Variants in ABTB3 observed in about 807,000 individuals in gnomAD.
ABTB3 encodes the protein ankyrin repeat and BTB domain containing 3, also known as ankyrin repeat- and BTB/POZ domain-containing protein 3.
the ABTB3 span, chr12:107,319,341 C>T: frequency 6.4e-7 from 1 of 1,552,196 alleles, no homozygotes; most frequent in African/African-American, 1.4e-5. Flanking sequence ...AAGCTGTCGA[C>T]GCTGGTGAGC....
chr12:107,497,176 A>G, the ABTB3 span, among the ~76,000 whole-genome samples: 1 of 151,586 alleles, frequency 6.6e-6, no homozygotes, highest in African/African-American at 2.4e-5. Flanking sequence ...CCCCAACTTT[A>G]TCCTCAATAC....
chr12:107,486,490 C>A, the ABTB3 span: 1 of 152,148 alleles, frequency 6.6e-6, no homozygotes, highest in African/African-American at 2.4e-5. Context: ...ACCACAGACA[C>A]ACGATTCTGT....
chr12:107,520,013 T>G, the ABTB3 span, among the ~76,000 whole-genome samples: 1 of 151,804 alleles, frequency 6.6e-6, no homozygotes, highest in Non-Finnish European at 1.5e-5. Context: ...GTCAAACAGG[T>G]AACAGCCCGA....
chr12:107,514,996 GAT>G, the ABTB3 span, among the ~76,000 whole-genome samples: 1 of 152,120 alleles, frequency 6.6e-6, no homozygotes, highest in South Asian at 2.1e-4. Context: ...AAAATACTTT[GAT>G]ACACATGATC....
At chr12:107,437,165 A>G in the ABTB3 span, among the ~76,000 whole-genome samples, 1 of 152,158 alleles carries the variant, frequency 6.6e-6, no homozygotes, top group Non-Finnish European at 1.5e-5. Flanking sequence ...ATGACCACAA[A>G]CTCAGTGGCT....
chr12:107,433,246 C>T, the ABTB3 span, among the ~76,000 whole-genome samples: 5 of 136,770 alleles, frequency 3.7e-5, no homozygotes, highest in Admixed American at 8.1e-5. Flanking sequence ...GCCGAGATTG[C>T]GCCACTGCAG....
chr12:107,509,857 A>G, the ABTB3 span, among the ~76,000 whole-genome samples: 1 of 152,368 alleles, frequency 6.6e-6, no homozygotes, highest in Admixed American at 6.5e-5. Flanking sequence ...TTTAACAGTA[A>G]AAGAAAGCCT....
chr12:107,436,153 T>C, the ABTB3 span, among the ~76,000 whole-genome samples: 1 of 152,212 alleles, frequency 6.6e-6, no homozygotes, highest in Non-Finnish European at 1.5e-5. Flanking sequence ...GGAGTTTTTA[T>C]GATTCTTCCT....
the ABTB3 span, among the ~76,000 whole-genome samples, chr12:107,475,590 C>T: frequency 5.9e-5 from 9 of 152,176 alleles, no homozygotes; most frequent in Admixed American, 5.2e-4. Flanking sequence ...CACTGCAAAC[C>T]CCAGGAGCAC....
chr12:107,602,486 C>A, the ABTB3 span, among the ~76,000 whole-genome samples: 1 of 152,184 alleles, frequency 6.6e-6, no homozygotes, highest in African/African-American at 2.4e-5. Flanking sequence ...ATGCTGAGCG[C>A]AGTACTCTGC....
the ABTB3 span, among the ~76,000 whole-genome samples, chr12:107,323,508 G>T: frequency 6.6e-6 from 1 of 152,226 alleles, no homozygotes; most frequent in Non-Finnish European, 1.5e-5. Context: ...TTTCAGAACT[G>T]GAGTTTTGTG....
chr12:107,627,646 G>T, the ABTB3 span, among the ~76,000 whole-genome samples: 2 of 152,282 alleles, frequency 1.3e-5, no homozygotes, highest in East Asian at 1.9e-4. Flanking sequence ...CTGCAGCCAT[G>T]GTGACTTCTT....
the ABTB3 span, chr12:107,642,274 G>T: frequency 7.7e-6 from 8 of 1,037,692 alleles, no homozygotes; most frequent in Non-Finnish European, 1.2e-5. Context: ...GAAGTCCTTG[G>T]AATGAGCTGT....
the ABTB3 span, among the ~76,000 whole-genome samples, chr12:107,406,346 C>G: frequency 6.6e-3 from 1,005 of 152,308 alleles, 17 homozygotes; most frequent in African/African-American, 0.023. Context: ...GGGAGGATCG[C>G]TTGAGCCTAG....
At chr12:107,490,071 G>A in the ABTB3 span, among the ~76,000 whole-genome samples, 25 of 152,184 alleles carry the variant, frequency 1.6e-4, no homozygotes, top group African/African-American at 5.8e-4. Flanking sequence ...ACAAAAGTGA[G>A]CTCCACTCAT....
chr12:107,480,500 A>G, the ABTB3 span, among the ~76,000 whole-genome samples: 2 of 152,214 alleles, frequency 1.3e-5, no homozygotes, highest in Non-Finnish European at 2.9e-5. Context: ...TGATGTGTCC[A>G]AAGTCACACA....
the ABTB3 span, among the ~76,000 whole-genome samples, chr12:107,370,324 A>T: frequency 6.6e-6 from 1 of 152,328 alleles, no homozygotes; most frequent in Non-Finnish European, 1.5e-5. Flanking sequence ...CCTTCCCACC[A>T]ATGAGCACAC....
At chr12:107,580,866 A>G in the ABTB3 span, 1 of 1,548,306 alleles carries the variant, frequency 6.5e-7, no homozygotes, top group Middle Eastern at 1.9e-4. Flanking sequence ...CAGATCAGTT[A>G]CCTCCTAGCC....
the ABTB3 span, among the ~76,000 whole-genome samples, chr12:107,548,757 G>A: frequency 6.6e-6 from 1 of 152,204 alleles, no homozygotes; most frequent in Admixed American, 6.5e-5. Flanking sequence ...GAGGGGCCAT[G>A]TGAGGGTACT....
Sources: allele counts gnomAD v4.1 joint callset (sites outside exome capture counted in the v4.1 genomes callset), GRCh38; gene constraint gnomAD v4.1.1; transcripts MANE v1.5; gene names NCBI Gene and HGNC (gene_info 2026-07-23, HGNC 2026-07-21).